Variants in PPCDC observed in about 807,000 individuals in gnomAD.
The protein encoded by PPCDC is phosphopantothenoylcysteine decarboxylase.
Under a neutral mutation model 20.7 loss-of-function variants are expected in PPCDC, and 20 were observed. The observed-to-expected ratio is 0.97, with a 90% CI of 0.68 to 1.41. The LOEUF is 1.41. Ranked by LOEUF, PPCDC falls within the 40% of genes most tolerant of loss-of-function variation. PPCDC has a pLI of 0.00. For synonymous variants in PPCDC, 88 were observed against 100.3 expected (o/e 0.88, Z 0.73); for missense variants, 246 against 263.8 (o/e 0.93, Z 0.47).
At chr15:75,035,991 A>T (rs1371157326) in intron 2 of PPCDC, among the ~76,000 whole-genome samples, 5 of 151,902 alleles carry the variant, frequency 3.3e-5, no homozygotes, top group Admixed American at 2.6e-4. Context: ...AAAGGAAAAA[A>T]ACTTTTTTCT....
At position 75,049,615 on chromosome 15, in the gene PPCDC, A is replaced by G; in HGVS notation, c.*380A>G. The G allele has an allele frequency of 5.4e-6, 1 of 184,142 alleles. No homozygotes were observed. The highest frequency in any genetic ancestry group is 1.3e-4 in the South Asian group (1 of 7,446). The allele number at this position is 184,142 out of a possible 1,614,324, so 11.4% of individuals were successfully genotyped here. A position where few individuals can be genotyped will look rare whatever the true frequency, so the allele number is the denominator to read the frequency against. ...GTCCTGGCTGAGCCTTGGGAGTTTC[A>G]GCTCTTTGGCGGGGTGCCCAGGTGC... On this transcript the variant is annotated 3_prime_UTR_variant, in exon 6 of 6. Coordinates refer to ENST00000342932, the MANE Select transcript of PPCDC (RefSeq NM_021823.5).
chr15:75,030,404 G>A (rs1442749398), intron 2 of PPCDC, among the ~76,000 whole-genome samples: 2 of 152,218 alleles, frequency 1.3e-5, no homozygotes, highest in Admixed American at 1.3e-4. Flanking sequence ...GCCACATGGT[G>A]TGGGGCAACC....
chr15:75,048,788 G>A, intron 5 of PPCDC, 67 bp downstream of exon 5: 2 of 1,543,308 alleles, frequency 1.3e-6, no homozygotes, highest in Non-Finnish European at 1.8e-6. Flanking sequence ...TCATATCTCA[G>A]TTCAGTTCCT....
chr15:75,047,087 G>T (rs2066246061), intron 4 of PPCDC, among the ~76,000 whole-genome samples: 1 of 152,242 alleles, frequency 6.6e-6, no homozygotes, highest in Non-Finnish European at 1.5e-5. Context: ...GTTCAGAGTA[G>T]CTGAGGCTTG....
chr15:75,045,507 T>TG (rs2066220340), intron 4 of PPCDC, among the ~76,000 whole-genome samples: 1 of 152,174 alleles, frequency 6.6e-6, no homozygotes, highest in Non-Finnish European at 1.5e-5. Context: ...GCTGGGAGTT[T>TG]TTCAGAGTTT....
chr15:75,030,728 C>T (rs1038292515), intron 2 of PPCDC, among the ~76,000 whole-genome samples: 1 of 152,166 alleles, frequency 6.6e-6, no homozygotes, highest in African/African-American at 2.4e-5. Context: ...TTCAGGTGCT[C>T]AAGGCTTTCC....
At chr15:75,029,548 C>T (rs2065996759) in intron 2 of PPCDC, among the ~76,000 whole-genome samples, 1 of 152,172 alleles carries the variant, frequency 6.6e-6, no homozygotes, top group African/African-American at 2.4e-5. Flanking sequence ...TTTCCACCAA[C>T]TTCCACCCAG....
chr15:75,031,422 T>A (rs2141478541), intron 2 of PPCDC, among the ~76,000 whole-genome samples: 1 of 152,272 alleles, frequency 6.6e-6, no homozygotes, highest in Non-Finnish European at 1.5e-5. Flanking sequence ...TGAGTTCAAC[T>A]GACTTATAAA....
chr15:75,036,527 G>A (rs951633393), intron 2 of PPCDC, among the ~76,000 whole-genome samples: 1 of 152,176 alleles, frequency 6.6e-6, no homozygotes, highest in African/African-American at 2.4e-5. Context: ...TTACTCCTTA[G>A]TGAAGACCTT....
chr15:75,035,218 C>T (rs2066070986), intron 2 of PPCDC, among the ~76,000 whole-genome samples: 1 of 152,080 alleles, frequency 6.6e-6, no homozygotes, highest in South Asian at 2.1e-4. Flanking sequence ...GATTTTCCCT[C>T]CCAGGGGACA....
At chr15:75,024,425 G>C (rs2141469592) in intron 1 of PPCDC, among the ~76,000 whole-genome samples, 1 of 152,044 alleles carries the variant, frequency 6.6e-6, no homozygotes, top group Middle Eastern at 3.4e-3. Context: ...ATGGCTCACT[G>C]CAGCCTCGAC....
At chr15:75,035,370 C>G (rs150017394) in intron 2 of PPCDC, among the ~76,000 whole-genome samples, 1 of 152,090 alleles carries the variant, frequency 6.6e-6, no homozygotes, top group African/African-American at 2.4e-5. Flanking sequence ...CCTGTGGCTG[C>G]GAAGTGCCTC....
intron 1 of PPCDC, among the ~76,000 whole-genome samples, chr15:75,024,876 G>C (rs531080112): frequency 4.0e-4 from 61 of 150,770 alleles, no homozygotes; most frequent in Non-Finnish European, 8.0e-4. Context: ...TATAAAACCT[G>C]ATACAGTGTA....
Position 75,049,782 on chromosome 15 carries a change from A to G in PPCDC, c.*547A>G, listed in dbSNP as rs1474843481. 2 of 153,502 alleles carry G rather than the reference A, an allele frequency of 1.3e-5. No individual in the cohort carries two copies. The highest frequency in any genetic ancestry group is 2.9e-5 in the Non-Finnish European group (2 of 69,010). The allele number at this position is 153,502 out of a possible 1,614,324, so 9.5% of individuals were successfully genotyped here. On this transcript the variant is annotated 3_prime_UTR_variant, in exon 6 of 6. Transcript: ENST00000342932. ...TTCCCTACAACCCAGCTGTGGTCCC[A>G]GAGATCAGGGGGTGTTGCCAGGTGT... is the stretch of plus-strand genomic sequence containing the variant.
At chr15:75,045,908 TAAA>T (rs34892601) in intron 4 of PPCDC, among the ~76,000 whole-genome samples, 3 of 140,592 alleles carry the variant, frequency 2.1e-5, no homozygotes, top group Admixed American at 7.1e-5. Context: ...TGTCTCTAGT[TAAA>T]AAAAAAAAAA....
chr15:75,048,016 T>A (rs762074428), intron 4 of PPCDC, among the ~76,000 whole-genome samples: 2 of 152,170 alleles, frequency 1.3e-5, no homozygotes, highest in African/African-American at 2.4e-5. Flanking sequence ...ACTGCTTACC[T>A]CTCAGGGAGC....
chr15:75,032,989 T>TA (rs1407978709), intron 2 of PPCDC, among the ~76,000 whole-genome samples: 1 of 151,940 alleles, frequency 6.6e-6, no homozygotes, highest in African/African-American at 2.4e-5. Context: ...TTTTTGTAGA[T>TA]ACAGGATTTT....
chr15:75,042,675 C>G (rs1045967210), intron 2 of PPCDC, among the ~76,000 whole-genome samples: 20 of 145,646 alleles, frequency 1.4e-4, no homozygotes, highest in African/African-American at 5.1e-4. Context: ...AAAAAAAAAT[C>G]TTGTTTTACA....
chr15:75,046,908 T>C (rs1399136325), intron 4 of PPCDC, among the ~76,000 whole-genome samples: 1 of 152,262 alleles, frequency 6.6e-6, no homozygotes, highest in East Asian at 1.9e-4. Flanking sequence ...AGACAATCTC[T>C]CTGGGTCACC....
Sources: gnomAD v4.1 joint callset for allele counts (sites outside exome capture counted in the v4.1 genomes callset) on GRCh38, gnomAD v4.1.1 for gene constraint, MANE v1.5 for transcripts, NCBI Gene and HGNC (gene_info 2026-07-23, HGNC 2026-07-21) for gene names.